Variants in CDH4 observed in about 807,000 individuals in gnomAD.
The protein encoded by CDH4 is cadherin-4.
CDH4 carries 33 observed loss-of-function variants against 86.0 expected under a neutral mutation model. The ratio of observed to expected loss-of-function variants is 0.38; its 90% confidence interval spans 0.29 to 0.51. The LOEUF (loss-of-function observed/expected upper bound fraction) is 0.51. CDH4 is among the 20% of genes least tolerant of loss of function. CDH4 has a pLI of 0.86. For missense variants in CDH4, 1,114 were observed against 1,307.4 expected, an observed-to-expected ratio of 0.85 and a Z score of 2.28; for synonymous variants, 555 against 549.4, an observed-to-expected ratio of 1.01 and a Z score of -0.14.
At chr20:61,903,128 A>ACATTCATT (rs748599295) in intron 8 of CDH4, among the ~76,000 whole-genome samples, 3 of 152,056 alleles carry the variant, frequency 2.0e-5, no homozygotes, top group African/African-American at 4.8e-5. Context: ...TTATGTTTGC[A>ACATTCATT]CATTCATTCA....
chr20:61,767,406 G>T (rs1249204504), intron 3 of CDH4, among the ~76,000 whole-genome samples: 8 of 152,204 alleles, frequency 5.3e-5, no homozygotes, highest in Non-Finnish European at 7.4e-5. Flanking sequence ...CGGGGCAGTA[G>T]CAGGTCCGGG....
At chr20:61,843,140 G>A (rs1021831963) in intron 4 of CDH4, among the ~76,000 whole-genome samples, 3 of 151,398 alleles carry the variant, frequency 2.0e-5, no homozygotes, top group African/African-American at 7.4e-5. Context: ...GGAGGCCAAG[G>A]TGGGAGGATC....
chr20:61,449,805 G>A lies in CDH4; in HGVS notation c.169+194868G>A, dbSNP rs189704085. ...TACCCGTATACTGAGGCTATTATTA[G>A]ACTTAATTTTCTATACCATTTTTAA... On this transcript the variant is annotated intron_variant, in intron 2 of 15. Coordinates refer to ENST00000614565, the MANE Select transcript of CDH4 (RefSeq NM_001794.5). Among the ~76,000 whole-genome samples, 4 of 152,270 alleles carry A rather than the reference G, an allele frequency of 2.6e-5. No homozygotes were observed. The East Asian group carries it at 7.7e-4, about 29-fold the overall frequency.
At chr20:61,782,326 A>C (rs1037639523) in intron 4 of CDH4, among the ~76,000 whole-genome samples, 3 of 152,096 alleles carry the variant, frequency 2.0e-5, no homozygotes, top group African/African-American at 7.2e-5. Context: ...AAAAATAAAA[A>C]TGAAGGTGAA....
intron 8 of CDH4, among the ~76,000 whole-genome samples, chr20:61,906,605 G>A (rs1740357): frequency 0.12 from 18,582 of 152,098 alleles, 2,563 homozygotes; most frequent in East Asian, 0.44. Flanking sequence ...TGTCCCCAGC[G>A]GAGGGAGTGG....
intron 2 of CDH4, among the ~76,000 whole-genome samples, chr20:61,541,551 C>T (rs6142656): frequency 0.2 from 30,924 of 152,134 alleles, 5,254 homozygotes; most frequent in African/African-American, 0.45. Flanking sequence ...TACTTTACCA[C>T]GTGAGCTGCA....
At chr20:61,833,945 G>A (rs1373039404) in intron 4 of CDH4, among the ~76,000 whole-genome samples, 2 of 152,240 alleles carry the variant, frequency 1.3e-5, no homozygotes, top group African/African-American at 2.4e-5. Context: ...ACAGGGTGCA[G>A]GAGTGGGAGA....
intron 2 of CDH4, chr20:61,436,944 T>C (rs561120453): frequency 2.0e-5 from 3 of 152,526 alleles, no homozygotes; most frequent in African/African-American, 7.2e-5. Context: ...TTGTCTGCTC[T>C]GCCTGCAGCA....
chr20:61,321,038 C>G (rs1360522794), intron 2 of CDH4, among the ~76,000 whole-genome samples: 2 of 152,130 alleles, frequency 1.3e-5, no homozygotes, highest in Non-Finnish European at 1.5e-5. Context: ...GGGTCCTTCC[C>G]CAGGGTCCCC....
chr20:61,304,103 G>A (rs758078940), intron 2 of CDH4, among the ~76,000 whole-genome samples: 49 of 152,252 alleles, frequency 3.2e-4, no homozygotes, highest in South Asian at 1.5e-3. Context: ...GGCCTGGGAA[G>A]GAAAAGGCCA....
At chr20:61,717,453 TTTTGG>T in intron 2 of CDH4, 1 of 143,914 alleles carries the variant, frequency 6.9e-6, no homozygotes, top group South Asian at 2.3e-4. Context: ...TTTTTTTGGT[TTTTGG>T]TTTTTGGTTT....
intron 2 of CDH4, among the ~76,000 whole-genome samples, chr20:61,321,730 A>T (rs2084509562): frequency 6.6e-6 from 1 of 152,094 alleles, no homozygotes. Flanking sequence ...GGCCTGGGAG[A>T]TGCTGCGTGC....
rs1158457983 is a variant in CDH4 at position 61,517,573 on chromosome 20, A to G, written c.170-225990A>G. On this transcript the variant is annotated intron_variant, in intron 2 of 15. Transcript: ENST00000614565. The surrounding 1 kb of genome is among the most constrained non-coding windows in gnomAD (Gnocchi z 6.6). ...CCAGTGGAGGATGAATTCAAGCACA[A>G]TTCCTGCCTTCTTCACTCCTGACCT... Among the ~76,000 whole-genome samples the G allele has an allele frequency of 1.3e-5, 2 of 152,098 alleles. No individual in the cohort carries two copies. Among genetic ancestry groups the G allele is most frequent in the African/African-American group, 2.4e-5 (1 of 41,410 alleles).
chr20:61,329,478 G>GTGCTGCGGTGGATTGC (rs1439950765), intron 2 of CDH4, among the ~76,000 whole-genome samples: 19 of 86,972 alleles, frequency 2.2e-4, no homozygotes, highest in East Asian at 3.6e-4. Flanking sequence ...AGGTGGCTGT[G>GTGCTGCGGTGGATTGC]AGTGGCTCTT....
chr20:61,448,295 G>A (rs1382504471), intron 2 of CDH4, among the ~76,000 whole-genome samples: 2 of 152,160 alleles, frequency 1.3e-5, no homozygotes, highest in African/African-American at 2.4e-5. Context: ...TTCCATAAGC[G>A]ATGTTTATGA....
chr20:61,653,640 C>A (rs1329599979), intron 2 of CDH4, among the ~76,000 whole-genome samples: 1 of 97,850 alleles, frequency 1.0e-5, no homozygotes, highest in African/African-American at 3.2e-5. Context: ...GGGTGGCTGC[C>A]GGGCTGAGGG....
At chr20:61,425,661 G>C (rs979666444) in intron 2 of CDH4, among the ~76,000 whole-genome samples, 2 of 152,214 alleles carry the variant, frequency 1.3e-5, no homozygotes, top group Non-Finnish European at 2.9e-5. Context: ...GCGCAGCCTG[G>C]ACAGGACATT....
chr20:61,829,265 G>A lies in CDH4; in HGVS notation c.577-15403G>A, dbSNP rs1017748830. Among the ~76,000 whole-genome samples, 7 of 152,238 alleles carry A rather than the reference G, an allele frequency of 4.6e-5. No homozygotes were observed. Among genetic ancestry groups the A allele is most frequent in the African/African-American group, 1.7e-4 (7 of 41,462 alleles). On this transcript the variant is annotated intron_variant, in intron 4 of 15. Coordinates refer to ENST00000614565, the MANE Select transcript of CDH4 (RefSeq NM_001794.5). This position sits in a 1 kb window ranked among gnomAD's most constrained non-coding sequence, Gnocchi z 4.2. ...GTCAATGGAAGGAGGTATTATGTGG[G>A]GTTTGTGTCCGGCTTCTTTCGCTGA...
At chr20:61,721,431 C>CT (rs975179083) in intron 2 of CDH4, among the ~76,000 whole-genome samples, 3 of 152,214 alleles carry the variant, frequency 2.0e-5, no homozygotes, top group Admixed American at 2.0e-4. Flanking sequence ...AGCCCTCCTG[C>CT]TTCTCAGTGT....
Sources: allele counts gnomAD v4.1 joint callset (sites outside exome capture counted in the v4.1 genomes callset), GRCh38; gene constraint gnomAD v4.1.1; non-coding constraint Gnocchi (gnomAD v3.1); transcripts MANE v1.5; gene names NCBI Gene and HGNC (gene_info 2026-07-23, HGNC 2026-07-21).